JKAMP: variants seen among roughly 807,000 people sequenced by gnomAD.
The protein encoded by JKAMP is JNK1/MAPK8-associated membrane protein.
A neutral mutation model predicts 40.2 loss-of-function variants in JKAMP; 20 were observed. The observed-to-expected ratio is 0.50, with a 90% CI of 0.35 to 0.72. The LOEUF is 0.72. Among genes scored for constraint, JKAMP ranks in the 30% least tolerant of loss-of-function variants. JKAMP has a pLI of 0.01. For synonymous variants in JKAMP, 138 were observed against 131.6 expected, an observed-to-expected ratio of 1.05 and a Z score of -0.33; for missense variants, 276 against 373.0, an observed-to-expected ratio of 0.74 and a Z score of 2.14.
rs113973805 is a variant in JKAMP, at chr14:59,489,518, A to G, written c.251+1690A>G. On this transcript the variant is annotated intron_variant, in intron 3 of 6. Coordinates refer to ENST00000616435, the MANE Select transcript of JKAMP (RefSeq NM_016475.5). ...TTGGTCACAGCCACTTAAGGCTCTAAGATGTTCCACGCTTTCCCTCACCTT... is the reference window on the plus strand; with the variant it reads ...TTGGTCACAGCCACTTAAGGCTCTAGGATGTTCCACGCTTTCCCTCACCTT... Among the ~76,000 whole-genome samples the G allele has an allele frequency of 2.1e-3, 319 of 152,310 alleles. 1 individual carries two copies. The highest frequency in any genetic ancestry group is 6.9e-3 in the African/African-American group (286 of 41,560).
intron 3 of JKAMP, among the ~76,000 whole-genome samples, chr14:59,488,613 A>G (rs906503152): frequency 1.3e-5 from 2 of 152,160 alleles, no homozygotes; most frequent in Non-Finnish European, 2.9e-5. Flanking sequence ...GGAGTAGGAA[A>G]GATAGGTTGA....
In JKAMP at chr14:59,505,254, A is replaced by C; in HGVS notation, c.*1182A>C. 1 of 1,496,440 alleles carries C rather than the reference A, an allele frequency of 6.7e-7. No homozygotes were observed. Among genetic ancestry groups the C allele is most frequent in the Non-Finnish European group, 8.9e-7 (1 of 1,117,804 alleles). 92.7% of individuals were successfully genotyped at this position (1,496,440 alleles called of 1,614,324 possible). On this transcript the variant is annotated 3_prime_UTR_variant, in exon 7 of 7. Transcript: ENST00000616435. ...TATCCTTGAGTTACTTTGTTAATGT[A>C]TTTTTCTCAGTACATTTAACCACTG... is the stretch of plus-strand genomic sequence containing the variant.
chr14:59,487,628 T>C, intron 2 of JKAMP, 46 bp from the exon 3 acceptor site: 1 of 1,469,324 alleles, frequency 6.8e-7, no homozygotes. Context: ...GTGTTAATGT[T>C]GTAAAATAAT....
intron 6 of JKAMP, among the ~76,000 whole-genome samples, chr14:59,502,773 T>TTTGTTTTTTTTTTTTTTTTTTG (rs796697193): frequency 1.9e-5 from 2 of 102,836 alleles, no homozygotes; most frequent in Non-Finnish European, 1.8e-5. Context: ...TTTTTTTTTT[T>TTTGTTTTTTTTTTTTTTTTTTG]CGGAGTCTCA....
At position 59,498,726 on chromosome 14, in the gene JKAMP, G is replaced by T; in HGVS notation, c.459-1G>T. On this transcript the variant is annotated splice_acceptor_variant, in intron 4 of 6. Coordinates refer to ENST00000616435, the MANE Select transcript of JKAMP (RefSeq NM_016475.5). LOFTEE classifies it high-confidence loss of function. ...TACAAATTCTTTATTTTATTTTACA[G>T]ATATACCATTGTATTTATCTATTAC... The T allele has an allele frequency of 7.0e-7, 1 of 1,435,548 alleles. No individual in the cohort carries two copies. Among genetic ancestry groups the T allele is most frequent in the South Asian group, 1.3e-5 (1 of 78,856 alleles). 88.9% of individuals were successfully genotyped at this position (1,435,548 alleles called of 1,614,324 possible). A position where few individuals can be genotyped will look rare whatever the true frequency, so the allele number is the denominator to read the frequency against.
At chr14:59,486,866 C>A (rs1316448034) in intron 2 of JKAMP, 62 bp downstream of exon 2, 2 of 1,126,184 alleles carry the variant, frequency 1.8e-6, no homozygotes, top group East Asian at 5.1e-5. Context: ...GAAATATTTT[C>A]ACATACAACA....
At chr14:59,499,839 G>A (rs1594950267) in intron 5 of JKAMP, among the ~76,000 whole-genome samples, 2 of 152,188 alleles carry the variant, frequency 1.3e-5, no homozygotes, top group South Asian at 4.1e-4. Flanking sequence ...CACAGGATTT[G>A]AAAATCTATA....
intron 6 of JKAMP, among the ~76,000 whole-genome samples, chr14:59,502,365 A>T (rs1056542014): frequency 1.3e-5 from 2 of 152,196 alleles, no homozygotes; most frequent in African/African-American, 4.8e-5. Flanking sequence ...CAGACTACCC[A>T]TGACAGTTGA....
intron 3 of JKAMP, among the ~76,000 whole-genome samples, chr14:59,491,448 A>G (rs1185801340): frequency 6.6e-6 from 1 of 152,260 alleles, no homozygotes; most frequent in East Asian, 1.9e-4. Context: ...TAAGAAGGTT[A>G]TCAAAGTAAT....
intron 3 of JKAMP, among the ~76,000 whole-genome samples, chr14:59,492,269 C>T (rs574934007): frequency 7.7e-4 from 117 of 152,106 alleles, no homozygotes; most frequent in African/African-American, 2.6e-3. Context: ...AAAAGGTAGT[C>T]AGCAGATTAA....
At chr14:59,496,850 T>C (rs1341879774) in intron 4 of JKAMP, among the ~76,000 whole-genome samples, 1 of 152,202 alleles carries the variant, frequency 6.6e-6, no homozygotes, top group African/African-American at 2.4e-5. Context: ...AAAACAGTGA[T>C]TTTTAAAATT....
chr14:59,498,663 G>C, intron 4 of JKAMP, 64 bp from the exon 5 acceptor site: 1 of 892,210 alleles, frequency 1.1e-6, no homozygotes, highest in East Asian at 2.8e-5. Context: ...ATTTAAAAAT[G>C]ATCAAGATTA....
In JKAMP at chr14:59,503,895, T is replaced by A; in HGVS notation, c.759T>A (p.Val253=). ...TGGTCAGAAAGAAAAGACTTATTGT[T>A]CTCTTCAGCCACTGGTTACTTCATG... ...DLLVRKKRLI[V]LFSHWLLHAY... The change falls in exon 7 of 7, where the codon GTT becomes GTA. Residue 253 remains valine (V), a synonymous_variant. Transcript: ENST00000616435. 1.9e-6 allele frequency: 3 copies of A among 1,613,432 alleles called. No individual in the cohort carries two copies. Among genetic ancestry groups the A allele is most frequent in the Non-Finnish European group, 2.5e-6 (3 of 1,179,404 alleles).
In JKAMP at chr14:59,504,606, T is replaced by C. The variant is rs1254702589; in HGVS notation, c.*534T>C. ...TATTTTGATGTATTGCAAAAATAGA[T>C]AATAATTTATATAACAGGTTTTCTG... On this transcript the variant is annotated 3_prime_UTR_variant, in exon 7 of 7. Coordinates refer to ENST00000616435, the MANE Select transcript of JKAMP (RefSeq NM_016475.5). 1 of 152,798 alleles carries C rather than the reference T, an allele frequency of 6.5e-6. No homozygotes were observed. Among genetic ancestry groups the C allele is most frequent in the Non-Finnish European group, 1.5e-5 (1 of 68,138 alleles). 9.5% of individuals were successfully genotyped at this position (152,798 alleles called of 1,614,324 possible). A position where few individuals can be genotyped will look rare whatever the true frequency, so the allele number is the denominator to read the frequency against.
chr14:59,492,036 A>G (rs1425557337), intron 3 of JKAMP, among the ~76,000 whole-genome samples: 1 of 152,216 alleles, frequency 6.6e-6, no homozygotes, highest in Admixed American at 6.5e-5. Context: ...TAAATAAAAT[A>G]GCACTAGGAC....
At chr14:59,494,967 C>A (rs1316173568) in intron 3 of JKAMP, 51 bp from the exon 4 acceptor site, 2 of 1,303,338 alleles carry the variant, frequency 1.5e-6, no homozygotes, top group African/African-American at 1.5e-5. Flanking sequence ...TTATTAAAGC[C>A]ATTTAAATAT....
At chr14:59,502,775 G>C (rs7151021) in intron 6 of JKAMP, among the ~76,000 whole-genome samples, 1 of 63,126 alleles carries the variant, frequency 1.6e-5, no homozygotes, top group Non-Finnish European at 3.4e-5. Context: ...TTTTTTTTTC[G>C]GAGTCTCACT....
intron 6 of JKAMP, among the ~76,000 whole-genome samples, chr14:59,501,923 T>G (rs192608082): frequency 6.6e-6 from 1 of 152,190 alleles, no homozygotes; most frequent in Non-Finnish European, 1.5e-5. Context: ...GCCAAAAAAG[T>G]ATCTTTTGAC....
Position 59,501,222 on chromosome 14 carries a change from A to G in JKAMP, c.672A>G (p.Leu224=), listed in dbSNP as rs769743336. Residue 224 remains leucine, a synonymous_variant, in exon 6 of 7, where the codon TTA becomes TTG. Transcript: ENST00000616435. ...YYAFPYIILV[L]SLVTLAVYMS... is the part of the protein sequence containing the mutation. Reference sequence around the variant, plus strand: ...CCTTCCCATACATTATATTAGTGTTATCTTTGGTTACTCTGGCTGTGTACA... The same window carrying G: ...CCTTCCCATACATTATATTAGTGTTGTCTTTGGTTACTCTGGCTGTGTACA... The G allele has an allele frequency of 6.2e-7, 1 of 1,605,250 alleles. No homozygotes were observed. Among genetic ancestry groups the G allele is most frequent in the South Asian group, 1.1e-5 (1 of 90,750 alleles).
Sources: allele counts gnomAD v4.1 joint callset (sites outside exome capture counted in the v4.1 genomes callset), GRCh38; gene constraint gnomAD v4.1.1; transcripts MANE v1.5; gene names NCBI Gene and HGNC (gene_info 2026-07-23, HGNC 2026-07-21).